Variants in TRAK2 observed in about 807,000 individuals in gnomAD.
TRAK2 encodes the protein trafficking kinesin protein 2.
In TRAK2, 81 loss-of-function variants were observed where a neutral mutation model predicts 104.6. That is an observed-to-expected ratio of 0.77 (90% CI 0.65 to 0.93). TRAK2 has a LOEUF of 0.93. TRAK2 is among the 40% of genes least tolerant of loss of function. TRAK2 has a pLI of 0.00. For synonymous variants in TRAK2, 406 were observed against 394.4 expected, an observed-to-expected ratio of 1.03 and a Z score of -0.35; for missense variants, 1,002 against 1,089.0, an observed-to-expected ratio of 0.92 and a Z score of 1.12.
At chr2:201,427,586 G>A (rs1217317802) in intron 1 of TRAK2, among the ~76,000 whole-genome samples, 1 of 152,162 alleles carries the variant, frequency 6.6e-6, no homozygotes, top group Non-Finnish European at 1.5e-5. Flanking sequence ...AGACATTTGG[G>A]TTGGTTCCAA....
chr2:201,430,769 G>A (rs1307646779), intron 1 of TRAK2, among the ~76,000 whole-genome samples: 1 of 152,220 alleles, frequency 6.6e-6, no homozygotes, highest in African/African-American at 2.4e-5. Flanking sequence ...TTGACCCTTT[G>A]CACTTCCCAG....
At chr2:201,444,192 C>T (rs1418910589) in intron 1 of TRAK2, among the ~76,000 whole-genome samples, 2 of 151,810 alleles carry the variant, frequency 1.3e-5, no homozygotes, top group Non-Finnish European at 2.9e-5. Context: ...CAGAGTGAGA[C>T]TCTGTCTCAA....
At chr2:201,395,497 G>A in intron 7 of TRAK2, 53 bp from the exon 8 acceptor site, 1 of 1,437,280 alleles carries the variant, frequency 7.0e-7, no homozygotes, top group Non-Finnish European at 9.3e-7. Flanking sequence ...AGAAGGAGTT[G>A]GCAAACTATG....
At chr2:201,388,242 T>C (rs1365440587) in intron 12 of TRAK2, among the ~76,000 whole-genome samples, 1 of 152,230 alleles carries the variant, frequency 6.6e-6, no homozygotes, top group Non-Finnish European at 1.5e-5. Context: ...ATTCTGTGTT[T>C]TCTGAATTTT....
intron 2 of TRAK2, among the ~76,000 whole-genome samples, chr2:201,409,120 G>A (rs1951621876): frequency 6.6e-6 from 1 of 152,154 alleles, no homozygotes; most frequent in Non-Finnish European, 1.5e-5. Flanking sequence ...GTGACACTGG[G>A]TAAGTTACCT....
intron 10 of TRAK2, among the ~76,000 whole-genome samples, chr2:201,391,469 A>G (rs1576508517): frequency 6.6e-6 from 1 of 152,208 alleles, no homozygotes; most frequent in African/African-American, 2.4e-5. Flanking sequence ...AAGAACCATC[A>G]ATGGGTGCTA....
At chr2:201,412,476 A>T in intron 2 of TRAK2, 1 of 1,147,822 alleles carries the variant, frequency 8.7e-7, no homozygotes, top group Non-Finnish European at 1.3e-6. Flanking sequence ...CCAACTGCCT[A>T]CTGAAACTCT....
In TRAK2 at chr2:201,420,685, T is replaced by A; in HGVS notation, c.-178A>T. On this transcript the variant is annotated 5_prime_UTR_variant, in exon 2 of 16. Transcript: ENST00000332624. The stretch of plus-strand genomic sequence containing the variant: ...AGCAACGAGCACTCTCATGTGATTA[T>A]CATACTTTGGACAGTCATGACCTAA... 3.5e-6 allele frequency: 2 copies of A among 571,276 alleles called. No homozygotes were observed. Among genetic ancestry groups the A allele is most frequent in the Non-Finnish European group, 6.3e-6 (2 of 318,234 alleles). The allele number at this position is 571,276 out of a possible 1,614,324, so 35.4% of individuals were successfully genotyped here. A position where few individuals can be genotyped will look rare whatever the true frequency, so the allele number is the denominator to read the frequency against.
At chr2:201,414,233 C>T (rs1471890779) in intron 2 of TRAK2, among the ~76,000 whole-genome samples, 1 of 152,118 alleles carries the variant, frequency 6.6e-6, no homozygotes, top group African/African-American at 2.4e-5. Context: ...TCTTCCTGTT[C>T]CCAGTACTGC....
intron 1 of TRAK2, among the ~76,000 whole-genome samples, chr2:201,433,861 C>T (rs1444366621): frequency 1.3e-5 from 2 of 152,192 alleles, no homozygotes; most frequent in Non-Finnish European, 1.5e-5. Context: ...AATCCTCTGC[C>T]AAAACCATTT....
chr2:201,449,480 CTTTTTTT>C (rs3083385), intron 1 of TRAK2, among the ~76,000 whole-genome samples: 1 of 98,096 alleles, frequency 1.0e-5, no homozygotes, highest in Non-Finnish European at 2.0e-5. Context: ...AATGTTGGTT[CTTTTTTT>C]TTTTTTTTTT....
At chr2:201,394,647 C>G (rs1056849887) in intron 9 of TRAK2, 151 bp downstream of exon 9, 1 of 705,344 alleles carries the variant, frequency 1.4e-6, no homozygotes, top group South Asian at 2.0e-5. Context: ...AGCCAAAATG[C>G]TTTACTTCTT....
In TRAK2 at chr2:201,399,440, C is replaced by T; in HGVS notation, c.417G>A (p.Arg139=). ...CGTTCTGCTCAGATAAGACATGGTT[C>T]CGCTTTAAGAGAGCTTGTCCAATTC... ...AARIGQALLK[R]NHVLSEQNES... is the part of the protein sequence containing the mutation. Residue 139 remains arginine (R), a synonymous_variant, in exon 5 of 16, where the codon CGG becomes CGA. Transcript: ENST00000332624. 6.2e-7 allele frequency: 1 copy of T among 1,612,810 alleles called. No individual in the cohort carries two copies.
rs1242636571 is a variant in TRAK2, at chr2:201,381,213, C to T, written c.2075G>A (p.Gly692Glu). The T allele has an allele frequency of 6.5e-7, 1 of 1,545,118 alleles. No individual in the cohort carries two copies. Among genetic ancestry groups the T allele is most frequent in the Admixed American group, 2.0e-5 (1 of 49,232 alleles). The change falls in exon 16 of 16, where the codon GGG becomes GAG. Residue 692 changes from glycine (G) to glutamate (E), a missense_variant. Coordinates refer to ENST00000332624, the MANE Select transcript of TRAK2 (RefSeq NM_015049.3). ...SDITQVTPSS[G>E]FPSLSCGSSG... ...ACTTCCACAGGATAATGAAGGGAAC[C>T]CAGAGCTTAAAAAAAAAAAAAAAAA...
At chr2:201,412,210 T>C in intron 2 of TRAK2, 4 of 959,278 alleles carry the variant, frequency 4.2e-6, no homozygotes, top group Non-Finnish European at 6.8e-6. Flanking sequence ...CAAAATTCTC[T>C]GTACAATGAC....
At chr2:201,407,316 T>TA in intron 3 of TRAK2, 87 bp downstream of exon 3, 1 of 1,165,794 alleles carries the variant, frequency 8.6e-7, no homozygotes, top group Non-Finnish European at 1.2e-6. Flanking sequence ...CAATGGCTAC[T>TA]AAACATCAGT....
chr2:201,416,138 A>G (rs1951689856), intron 2 of TRAK2, among the ~76,000 whole-genome samples: 1 of 150,932 alleles, frequency 6.6e-6, no homozygotes, highest in African/African-American at 2.4e-5. Flanking sequence ...CTGTAATCCC[A>G]GCACTTTGGG....
intron 1 of TRAK2, among the ~76,000 whole-genome samples, chr2:201,450,678 G>A (rs1952022339): frequency 6.7e-6 from 1 of 150,304 alleles, no homozygotes; most frequent in Non-Finnish European, 1.5e-5. Context: ...TGAATATCCT[G>A]TGAAGTTACC....
Position 201,389,518 on chromosome 2 carries a change from A to C in TRAK2, c.1194-15T>G. On this transcript the variant is annotated splice_polypyrimidine_tract_variant and intron_variant, in intron 11 of 15. Transcript: ENST00000332624. ...TCTGTTGGGCTCTGTCAAAAAAGGAAGTGTTCGTTATTATCACTGCTAGCC... is the reference window on the plus strand; with the variant it reads ...TCTGTTGGGCTCTGTCAAAAAAGGACGTGTTCGTTATTATCACTGCTAGCC... 2 of 1,612,362 alleles carry C rather than the reference A, an allele frequency of 1.2e-6. No individual in the cohort carries two copies. Among genetic ancestry groups the C allele is most frequent in the South Asian group, 2.2e-5 (2 of 91,022 alleles).
Sources: gnomAD v4.1 joint callset for allele counts (sites outside exome capture counted in the v4.1 genomes callset) on GRCh38, gnomAD v4.1.1 for gene constraint, MANE v1.5 for transcripts, NCBI Gene and HGNC (gene_info 2026-07-23, HGNC 2026-07-21) for gene names.